The following KIF24 variants were observed in gnomAD, a reference collection of about 807,000 sequenced individuals.
The protein encoded by KIF24 is kinesin family member 24, also known as kinesin-like protein KIF24.
In KIF24, 81 loss-of-function variants were observed where a neutral mutation model predicts 118.9. The ratio of observed to expected loss-of-function variants is 0.68; its 90% CI spans 0.57 to 0.82. KIF24 has a LOEUF of 0.82. Among genes scored for constraint, KIF24 ranks in the 40% least tolerant of loss-of-function variants. KIF24 has a pLI of 0.00. For missense variants in KIF24, 1,560 were observed against 1,661.6 expected (o/e 0.94, Z 1.06); for synonymous variants, 599 against 610.0 (o/e 0.98, Z 0.27).
intron 3 of KIF24, among the ~76,000 whole-genome samples, chr9:34,299,733 T>C (rs1836622014): frequency 6.6e-6 from 1 of 152,006 alleles, no homozygotes; most frequent in Non-Finnish European, 1.5e-5. Flanking sequence ...TTCAGAGATA[T>C]TTACTTTTTC....
intron 8 of KIF24, among the ~76,000 whole-genome samples, chr9:34,263,838 G>T (rs942525071): frequency 2.0e-5 from 3 of 150,216 alleles, no homozygotes; most frequent in Non-Finnish European, 4.4e-5. Context: ...CAGCCTCCTG[G>T]AGTGCTGGGA....
At chr9:34,294,844 G>T (rs1587947754) in intron 4 of KIF24, among the ~76,000 whole-genome samples, 1 of 152,124 alleles carries the variant, frequency 6.6e-6, no homozygotes, top group South Asian at 2.1e-4. Flanking sequence ...TAAGACCTGG[G>T]GGTGAGGGTG....
intron 11 of KIF24, 50 bp downstream of exon 11, chr9:34,255,685 G>T (rs1405667588): frequency 6.8e-7 from 1 of 1,475,348 alleles, no homozygotes; most frequent in East Asian, 2.3e-5. Flanking sequence ...AGCTGGAGTG[G>T]AGGGTGGGTG....
Position 34,259,597 on chromosome 9 carries a change from G to C in KIF24, c.1624C>G (p.Arg542Gly). 6.2e-7 allele frequency: 1 copy of C among 1,611,526 alleles called. No homozygotes were observed. Among genetic ancestry groups the C allele is most frequent in the South Asian group, 1.1e-5 (1 of 90,978 alleles). ...CCTGCCATCTGGGAGCTGACTTACC[G>C]GTCAGCATAGCGCAAGGTGTTGAGA... ...HTLNTLRYAD[R>G]VKELKKGIKC... The change falls in exon 10 of 13, where the codon CGG becomes GGG. Residue 542 changes from arginine (R) to glycine (G), a missense_variant and splice_region_variant. Arg to Gly is a moderately radical substitution (Grantham distance 125). Transcript: ENST00000402558.
intron 7 of KIF24, 31 bp from the exon 8 acceptor site, chr9:34,269,393 T>C (rs772474850): frequency 1.2e-6 from 1 of 868,634 alleles, no homozygotes; most frequent in South Asian, 1.7e-5. Flanking sequence ...GAGTGACTTC[T>C]GTGAAGCTTT....
At chr9:34,284,171 G>A (rs1043330529) in intron 6 of KIF24, among the ~76,000 whole-genome samples, 1 of 152,142 alleles carries the variant, frequency 6.6e-6, no homozygotes, top group Non-Finnish European at 1.5e-5. Context: ...GGGAAGCTGA[G>A]GTAGGAGGAT....
chr9:34,256,160 G>A lies in KIF24; in HGVS notation c.3447C>T (p.Asp1149=). The A allele has an allele frequency of 6.2e-7, 1 of 1,606,158 alleles. No individual in the cohort carries two copies. Among genetic ancestry groups the A allele is most frequent in the South Asian group, 1.1e-5 (1 of 90,474 alleles). The change falls in exon 11 of 13, where the codon GAC becomes GAT. Residue 1149 remains aspartate (D), a synonymous_variant. Coordinates refer to ENST00000402558, the MANE Select transcript of KIF24 (RefSeq NM_194313.4). The stretch of plus-strand genomic sequence containing the variant: ...CTCTGCTCTGGCAGGCCTCTCCTAG[G>A]TCTGCCTCCCTGCTGGGCAGCTTGT... ...PADKLPSREA[D]LGEACQSRET...
chr9:34,279,930 G>A (rs1338632987), intron 6 of KIF24, among the ~76,000 whole-genome samples: 3 of 152,164 alleles, frequency 2.0e-5, no homozygotes, highest in African/African-American at 4.8e-5. Flanking sequence ...TATCAATGGC[G>A]ATAATATGTT....
At chr9:34,329,449 A>G (rs1224124136), upstream of KIF24, 5 of 152,114 alleles carry the variant, frequency 3.3e-5, no homozygotes, top group South Asian at 2.1e-4. Flanking sequence ...AGATCTCGCG[A>G]CGTTTCAGTG....
intron 6 of KIF24, among the ~76,000 whole-genome samples, chr9:34,275,928 T>G (rs1398402226): frequency 6.6e-6 from 1 of 152,224 alleles, no homozygotes; most frequent in Non-Finnish European, 1.5e-5. Context: ...CTTGAGTTTG[T>G]TCCTCTGAGT....
chr9:34,289,158 C>T (rs1836161231), intron 5 of KIF24, among the ~76,000 whole-genome samples: 1 of 152,140 alleles, frequency 6.6e-6, no homozygotes, highest in Admixed American at 6.6e-5. Flanking sequence ...TGAAGGTCCC[C>T]TTTTCACTGG....
At position 34,256,278 on chromosome 9, in the gene KIF24, C is replaced by G; in HGVS notation, c.3329G>C (p.Arg1110Thr). Residue 1110 changes from arginine (R) to threonine (T), a missense_variant, in exon 11 of 13, where the codon AGG (arginine) becomes ACG (threonine). Arg to Thr is a moderately conservative substitution (Grantham distance 71, BLOSUM62 -1). This residue lies in a region of KIF24 where 591 missense variants were observed against 655.6 expected (regional missense o/e 0.90). Transcript: ENST00000402558. ...GGGAGATGAGGACAGCCACAGGTGC[C>G]TAGTTGCTGAAGACACTGGCAAGGC... The part of the protein sequence containing the change: ...EAALPVSSAT[R>T]HLWLSSSPPD... 6.2e-7 allele frequency: 1 copy of G among 1,610,408 alleles called. No homozygotes were observed. The highest frequency in any genetic ancestry group is 8.5e-7 in the Non-Finnish European group (1 of 1,178,040).
At chr9:34,313,327 C>T (rs1837229176) in intron 1 of KIF24, among the ~76,000 whole-genome samples, 1 of 152,202 alleles carries the variant, frequency 6.6e-6, no homozygotes, top group Non-Finnish European at 1.5e-5. Context: ...CTGGGCAAAG[C>T]CCAGCCCAAA....
chr9:34,301,830 C>G (rs899783934), intron 3 of KIF24, among the ~76,000 whole-genome samples: 1 of 151,872 alleles, frequency 6.6e-6, no homozygotes, highest in Non-Finnish European at 1.5e-5. Flanking sequence ...GAACAAGACC[C>G]TGTCTCAGAA....
In KIF24 at chr9:34,257,307, T is replaced by G. The variant is rs1176570345; in HGVS notation, c.2300A>C (p.Tyr767Ser). Reference sequence around the variant, plus strand: ...AGGTGGCTGTTGGAACTGCTGGTGATAGAAACGCAGATGTTCCTCCCTCTC... The same window carrying G: ...AGGTGGCTGTTGGAACTGCTGGTGAGAGAAACGCAGATGTTCCTCCCTCTC... ...QKEREEHLRF[Y>S]HQQFQQPPLL... Residue 767 changes from tyrosine (Y) to serine (S), a missense_variant, in exon 11 of 13, where the codon TAT becomes TCT. Tyr to Ser is a moderately radical substitution (Grantham distance 144). Transcript: ENST00000402558. 6.2e-7 allele frequency: 1 copy of G among 1,614,040 alleles called. No individual in the cohort carries two copies. The highest frequency in any genetic ancestry group is 2.2e-5 in the East Asian group (1 of 44,878).
intron 9 of KIF24, among the ~76,000 whole-genome samples, chr9:34,260,645 C>T (rs1835018080): frequency 6.6e-6 from 1 of 152,152 alleles, no homozygotes. Context: ...AAAAGAAACA[C>T]ATTTTCTGGA....
chr9:34,255,597 C>A, intron 11 of KIF24, 138 bp downstream of exon 11: 2 of 735,136 alleles, frequency 2.7e-6, no homozygotes, highest in Non-Finnish European at 4.5e-6. Context: ...GGGACCAAAG[C>A]AGAGGGTTGG....
intron 2 of KIF24, among the ~76,000 whole-genome samples, chr9:34,308,498 G>A (rs1179515915): frequency 6.6e-6 from 1 of 152,082 alleles, no homozygotes; most frequent in Non-Finnish European, 1.5e-5. Flanking sequence ...TGGCCAGGCT[G>A]ACCTTGAACT....
chr9:34,296,201 A>C (rs1296526336), intron 4 of KIF24, among the ~76,000 whole-genome samples: 1 of 140,128 alleles, frequency 7.1e-6, no homozygotes, highest in African/African-American at 2.7e-5. Context: ...CCTGGGCGAC[A>C]GAGTGAGACT....
Sources: gnomAD v4.1 joint callset for allele counts (sites outside exome capture counted in the v4.1 genomes callset) on GRCh38, gnomAD v4.1.1 for gene constraint, gnomAD v4.1.1 regional missense constraint, MANE v1.5 for transcripts, NCBI Gene and HGNC (gene_info 2026-07-23, HGNC 2026-07-21) for gene names.